Variants in MSH4 observed in about 807,000 individuals in gnomAD.
MSH4 encodes mutS homolog 4, also known as mutS protein homolog 4.
Under a neutral mutation model 113.7 loss-of-function variants are expected in MSH4, and 106 were observed. That is an observed-to-expected ratio of 0.93 (90% CI 0.80 to 1.10). The LOEUF (loss-of-function observed/expected upper bound fraction) is 1.10, where lower values mean the gene tolerates loss of function less well. MSH4 is among the 50% of genes least tolerant of loss of function. The probability of loss-of-function intolerance (pLI) is 0.00; values close to 1 mark genes in which losing one functional copy is unlikely to be tolerated. For missense variants in MSH4, 1,061 were observed against 1,093.7 expected (o/e 0.97, Z 0.42); for synonymous variants, 368 against 380.2 (o/e 0.97, Z 0.37).
At chr1:75,831,736 A>G (rs915481470) in intron 7 of MSH4, among the ~76,000 whole-genome samples, 2 of 152,216 alleles carry the variant, frequency 1.3e-5, no homozygotes, top group Non-Finnish European at 2.9e-5. Flanking sequence ...TTTGAAACCA[A>G]TGAGAACAAA....
chr1:75,801,366 A>G (rs558682802), intron 1 of MSH4, among the ~76,000 whole-genome samples: 2 of 152,002 alleles, frequency 1.3e-5, no homozygotes, highest in Non-Finnish European at 1.5e-5. Flanking sequence ...GGAGTTCATG[A>G]CCAGTCTGGC....
chr1:75,824,904 G>GTTTTTTTTTTTTTTTT (rs71588855), intron 7 of MSH4, among the ~76,000 whole-genome samples: 2 of 120,256 alleles, frequency 1.7e-5, no homozygotes, highest in African/African-American at 3.1e-5. Flanking sequence ...CTTCAGCTTT[G>GTTTTTTTTTTTTTTTT]TTTTTTTTTT....
chr1:75,898,728 A>G (rs1213310044), intron 18 of MSH4, among the ~76,000 whole-genome samples: 4 of 152,154 alleles, frequency 2.6e-5, no homozygotes. Flanking sequence ...TAAATCATTA[A>G]GTCTCACAGA....
intron 17 of MSH4, among the ~76,000 whole-genome samples, chr1:75,892,704 C>T (rs1317679229): frequency 2.6e-5 from 4 of 151,964 alleles, no homozygotes; most frequent in African/African-American, 9.7e-5. Context: ...CGGGCCCCCA[C>T]CCAAGGGACT....
intron 8 of MSH4, among the ~76,000 whole-genome samples, chr1:75,856,594 A>G (rs566371143): frequency 1.1e-4 from 17 of 152,146 alleles, no homozygotes; most frequent in Admixed American, 2.6e-4. Flanking sequence ...AGCTTCATCC[A>G]TGTCCCTGCA....
chr1:75,875,751 G>A (rs1335262599), intron 9 of MSH4, among the ~76,000 whole-genome samples: 2 of 152,056 alleles, frequency 1.3e-5, no homozygotes, highest in Non-Finnish European at 1.5e-5. Context: ...GGGTGCTACC[G>A]TGCTGTTAGC....
At chr1:75,865,727 C>T (rs1033010990) in intron 8 of MSH4, among the ~76,000 whole-genome samples, 7 of 152,118 alleles carry the variant, frequency 4.6e-5, no homozygotes, top group Non-Finnish European at 8.8e-5. Context: ...TTAATGGATG[C>T]CAAATCATCA....
chr1:75,875,148 C>A (rs1263867766), intron 9 of MSH4, among the ~76,000 whole-genome samples: 1 of 152,162 alleles, frequency 6.6e-6, no homozygotes, highest in Admixed American at 6.5e-5. Context: ...TCCGCCTTAG[C>A]CCCTCGAAGT....
At chr1:75,897,663 T>C (rs1235881294) in intron 17 of MSH4, among the ~76,000 whole-genome samples, 1 of 152,154 alleles carries the variant, frequency 6.6e-6, no homozygotes, top group Non-Finnish European at 1.5e-5. Context: ...TTGTTCTCTT[T>C]CCCATAATGT....
intron 17 of MSH4, among the ~76,000 whole-genome samples, chr1:75,892,120 G>A (rs1232492178): frequency 6.6e-6 from 1 of 152,152 alleles, no homozygotes. Context: ...AGAACAAAAA[G>A]CCTTCCAATG....
In MSH4 at chr1:75,879,044, T is replaced by C; in HGVS notation, c.1593T>C (p.Phe531=). 6.2e-7 allele frequency: 1 copy of C among 1,610,396 alleles called. No individual in the cohort carries two copies. The part of the protein sequence containing the change: ...EKYSLPLRTS[F]SSARGFFIQM... ...ATAGTCTACCTTTAAGGACAAGTTT[T>C]AGCTCTGCTCGAGGATTTTTCATCC... The change falls in exon 12 of 20, where the codon TTT becomes TTC. Residue 531 remains phenylalanine, a synonymous_variant. Transcript: ENST00000263187.
At position 75,885,778 on chromosome 1, in the gene MSH4, T is replaced by C. The variant is rs1652078199; in HGVS notation, c.2107+1957T>C. Among the ~76,000 whole-genome samples the C allele has an allele frequency of 4.3e-5, 5 of 115,616 alleles. No individual in the cohort carries two copies. In the South Asian group the frequency reaches 1.3e-3, roughly 31 times the overall value. 75.8% of individuals were successfully genotyped at this position (115,616 alleles called of 152,430 possible). On this transcript the variant is annotated intron_variant, in intron 15 of 19. Coordinates refer to ENST00000263187, the MANE Select transcript of MSH4 (RefSeq NM_002440.4). ...ATTATATATAGTATATATAATGTAT[T>C]ATATAGTATATATACTATATAATGT...
chr1:75,870,743 T>C (rs1454535765), intron 9 of MSH4, among the ~76,000 whole-genome samples: 1 of 152,196 alleles, frequency 6.6e-6, no homozygotes, highest in Non-Finnish European at 1.5e-5. Context: ...CCTTTATAAA[T>C]TACCCAGTCT....
intron 8 of MSH4, among the ~76,000 whole-genome samples, chr1:75,867,243 A>G (rs554481021): frequency 2.0e-5 from 3 of 152,292 alleles, no homozygotes; most frequent in South Asian, 2.1e-4. Flanking sequence ...TTTGCTATTC[A>G]GTTTAAATTG....
chr1:75,840,574 T>A (rs13375355), intron 7 of MSH4, among the ~76,000 whole-genome samples: 2 of 142,448 alleles, frequency 1.4e-5, no homozygotes, highest in Non-Finnish European at 3.0e-5. Context: ...TGCTAAATGA[T>A]GAGTTAATGG....
Position 75,883,705 on chromosome 1 carries a change from C to T in MSH4, c.1991C>T (p.Ala664Val). 1.2e-6 allele frequency: 2 copies of T among 1,613,018 alleles called. No homozygotes were observed. Among genetic ancestry groups the T allele is most frequent in the Non-Finnish European group, 1.7e-6 (2 of 1,179,446 alleles). Residue 664 changes from alanine (A) to valine (V), a missense_variant, in exon 15 of 20, where the codon GCC (alanine) becomes GTC (valine). Physicochemically the swap from Ala to Val is moderately conservative, Grantham distance 64. Transcript: ENST00000263187. ...AAAATATCTGCGGAAAAACCTATTG[C>T]CAACAATACCTATGTTACAGAAGGG... is the stretch of plus-strand genomic sequence containing the variant. Reference protein sequence around the residue: ...LEKISAEKPIANNTYVTEGSN... With the variant: ...LEKISAEKPIVNNTYVTEGSN...
intron 14 of MSH4, among the ~76,000 whole-genome samples, chr1:75,883,223 T>A (rs181905583): frequency 2.3e-4 from 35 of 149,556 alleles, no homozygotes; most frequent in African/African-American, 8.1e-4. Context: ...CCTAGGCTGG[T>A]CTTGAACTCC....
intron 18 of MSH4, among the ~76,000 whole-genome samples, chr1:75,899,318 G>C (rs986101348): frequency 3.3e-5 from 5 of 152,052 alleles, no homozygotes; most frequent in African/African-American, 1.2e-4. Context: ...TTTGCAAATG[G>C]AATTTCAATA....
intron 7 of MSH4, among the ~76,000 whole-genome samples, chr1:75,841,592 T>C (rs1052493958): frequency 3.3e-5 from 5 of 152,290 alleles, no homozygotes; most frequent in Middle Eastern, 3.4e-3. Flanking sequence ...GAAATGAGGA[T>C]TGAGACTAGA....
Sources: allele counts gnomAD v4.1 joint callset (sites outside exome capture counted in the v4.1 genomes callset), GRCh38; gene constraint gnomAD v4.1.1; transcripts MANE v1.5; gene names NCBI Gene and HGNC (gene_info 2026-07-23, HGNC 2026-07-21).